Variants in FAM50B observed in about 807,000 individuals in gnomAD.
The protein encoded by FAM50B is protein FAM50B.
Under a neutral mutation model 25.4 loss-of-function variants are expected in FAM50B, and 9 were observed. That is an observed-to-expected ratio of 0.35 (90% CI 0.21 to 0.62). The LOEUF is 0.62. Ranked by LOEUF, FAM50B falls within the 20% of genes least tolerant of loss-of-function variation. The probability of loss-of-function intolerance (pLI) is 0.73; values close to 1 mark genes in which losing one functional copy is unlikely to be tolerated. For synonymous variants in FAM50B, 212 were observed against 204.3 expected (o/e 1.04, Z -0.32); for missense variants, 372 against 477.9 (o/e 0.78, Z 2.07).
upstream of FAM50B, among the ~76,000 whole-genome samples, chr6:3,847,671 AT>A (rs1305407441): frequency 6.6e-6 from 1 of 152,274 alleles, no homozygotes; most frequent in South Asian, 2.1e-4. Context: ...TTCATTCAAG[AT>A]TTTTTTCCTT....
chr6:3,836,746 TTGG>T, the FAM50B span, among the ~76,000 whole-genome samples: 4 of 152,314 alleles, frequency 2.6e-5, no homozygotes, highest in South Asian at 8.3e-4. Flanking sequence ...CACAATGCCA[TTGG>T]TGTCATGATC....
At chr6:3,842,603 A>C in the FAM50B span, among the ~76,000 whole-genome samples, 2 of 152,142 alleles carry the variant, frequency 1.3e-5, no homozygotes, top group African/African-American at 4.8e-5. Flanking sequence ...CCCTCAGGTG[A>C]TGCTTTGCCA....
the FAM50B span, among the ~76,000 whole-genome samples, chr6:3,840,962 C>A: frequency 1.3e-5 from 2 of 152,216 alleles, no homozygotes; most frequent in South Asian, 2.1e-4. Flanking sequence ...CAGCTCATGT[C>A]TTTTTATTTA....
Position 3,850,645 on chromosome 6 carries a change from C to T in FAM50B, c.834C>T (p.Ser278=), listed in dbSNP as rs1283255666. Reference sequence around the variant, plus strand: ...TGCACGATGACGTGCGCCTGCTCAGCGACGCCACCATGGAGAAGGACGAGT... The same window carrying T: ...TGCACGATGACGTGCGCCTGCTCAGTGACGCCACCATGGAGAAGGACGAGT... The part of the protein sequence containing the change: ...FDVHDDVRLL[S]DATMEKDESH... The change falls in exon 2 of 2, where the codon AGC becomes AGT. Residue 278 remains serine (S), a synonymous_variant. Coordinates refer to ENST00000648326, the MANE Select transcript of FAM50B (RefSeq NM_012135.3). 5.0e-6 allele frequency: 8 copies of T among 1,614,002 alleles called. No homozygotes were observed. Among genetic ancestry groups the T allele is most frequent in the Non-Finnish European group, 6.8e-6 (8 of 1,180,050 alleles).
chr6:3,841,821 C>T, the FAM50B span, among the ~76,000 whole-genome samples: 4 of 152,228 alleles, frequency 2.6e-5, no homozygotes, highest in African/African-American at 9.6e-5. Flanking sequence ...GTCTCATTAT[C>T]CAGGAATCCT....
chr6:3,832,503 GT>G, the FAM50B span, among the ~76,000 whole-genome samples: 1 of 152,318 alleles, frequency 6.6e-6, no homozygotes, highest in South Asian at 2.1e-4. Context: ...CTCACTGCCT[GT>G]CCCTGGCTTC....
chr6:3,847,297 A>G (rs1349445399), upstream of FAM50B, among the ~76,000 whole-genome samples: 1 of 152,212 alleles, frequency 6.6e-6, no homozygotes, highest in African/African-American at 2.4e-5. Context: ...TACATTGAAA[A>G]TGTATTGTTT....
chr6:3,838,548 A>G, the FAM50B span, among the ~76,000 whole-genome samples: 1 of 151,998 alleles, frequency 6.6e-6, no homozygotes, highest in African/African-American at 2.4e-5. Context: ...GTCTGTATTA[A>G]AAATACAAAA....
At chr6:3,832,860 T>A in the FAM50B span, among the ~76,000 whole-genome samples, 2 of 149,958 alleles carry the variant, frequency 1.3e-5, no homozygotes, top group African/African-American at 4.9e-5. Flanking sequence ...CCTTTTTAAT[T>A]TTTTTTTTTT....
At chr6:3,838,686 C>CA in the FAM50B span, among the ~76,000 whole-genome samples, 2 of 151,736 alleles carry the variant, frequency 1.3e-5, no homozygotes, top group Non-Finnish European at 2.9e-5. Flanking sequence ...TACTAAAATA[C>CA]AAAAAATTAG....
upstream of FAM50B, among the ~76,000 whole-genome samples, chr6:3,846,198 G>A (rs1249533827): frequency 2.6e-5 from 4 of 152,130 alleles, no homozygotes; most frequent in South Asian, 4.1e-4. Context: ...GAAGATCTCT[G>A]AGGATATTGT....
upstream of FAM50B, among the ~76,000 whole-genome samples, chr6:3,845,825 C>T (rs987834968): frequency 2.0e-5 from 3 of 152,182 alleles, no homozygotes; most frequent in Non-Finnish European, 2.9e-5. Context: ...AGCAATTCTT[C>T]TGCCTCAGCC....
Position 3,850,911 on chromosome 6 carries a change from C to T in FAM50B, c.*122C>T, listed in dbSNP as rs990351853. On this transcript the variant is annotated 3_prime_UTR_variant, in exon 2 of 2. Coordinates refer to ENST00000648326, the MANE Select transcript of FAM50B (RefSeq NM_012135.3). ...CCAAATTTAATAAAGACAGAGGGTTCTCATGATTCACATTGGTTGTGCTAT... is the reference window on the plus strand; with the variant it reads ...CCAAATTTAATAAAGACAGAGGGTTTTCATGATTCACATTGGTTGTGCTAT... 9.1e-6 allele frequency: 13 copies of T among 1,427,384 alleles called. No homozygotes were observed. Among genetic ancestry groups the T allele is most frequent in the Non-Finnish European group, 1.2e-5 (13 of 1,066,114 alleles). 88.4% of individuals were successfully genotyped at this position (1,427,384 alleles called of 1,614,324 possible). A position where few individuals can be genotyped will look rare whatever the true frequency, so the allele number is the denominator to read the frequency against.
upstream of FAM50B, among the ~76,000 whole-genome samples, chr6:3,846,506 C>G (rs1322694361): frequency 6.6e-6 from 1 of 152,200 alleles, no homozygotes; most frequent in Admixed American, 6.5e-5. Flanking sequence ...TGGTTGCTGA[C>G]TGATCAGGGT....
At chr6:3,846,857 C>A (rs558147917), upstream of FAM50B, among the ~76,000 whole-genome samples, 1 of 152,184 alleles carries the variant, frequency 6.6e-6, no homozygotes, top group Non-Finnish European at 1.5e-5. Flanking sequence ...CTATGGGTTG[C>A]AGAATGGATG....
rs1345837298 is a variant in FAM50B, at chr6:3,850,266, T to A, written c.455T>A (p.Phe152Tyr). The change falls in exon 2 of 2, where the codon TTC becomes TAC. Residue 152 changes from phenylalanine to tyrosine, a missense_variant. Physicochemically the swap from Phe to Tyr is conservative, Grantham distance 22 (BLOSUM62 3). Transcript: ENST00000648326. ...AAGAACCCCGACGTGGACACCAGCT[T>A]CCTGCCAGACCGCGACCGCGAGGAG... ...LGKNPDVDTS[F>Y]LPDRDREEEE... 9 of 1,612,986 alleles carry A rather than the reference T, an allele frequency of 5.6e-6. No individual in the cohort carries two copies. Among genetic ancestry groups the A allele is most frequent in the African/African-American group, 1.3e-5 (1 of 74,926 alleles).
the FAM50B span, among the ~76,000 whole-genome samples, chr6:3,838,890 A>G: frequency 6.6e-6 from 1 of 151,628 alleles, no homozygotes; most frequent in African/African-American, 2.4e-5. Flanking sequence ...AGAATGAAGG[A>G]ATGAACTACT....
chr6:3,838,862 AC>A, the FAM50B span, among the ~76,000 whole-genome samples: 4 of 113,728 alleles, frequency 3.5e-5, no homozygotes, highest in African/African-American at 1.2e-4. Flanking sequence ...AAAAAAAAAC[AC>A]ACACACAAGA....
chr6:3,848,030 C>T (rs572723765), upstream of FAM50B, among the ~76,000 whole-genome samples: 1 of 152,300 alleles, frequency 6.6e-6, no homozygotes, highest in Non-Finnish European at 1.5e-5. Context: ...CAAACAATTA[C>T]AATAACCTCA....
Sources: gnomAD v4.1 joint callset for allele counts (sites outside exome capture counted in the v4.1 genomes callset) on GRCh38, gnomAD v4.1.1 for gene constraint, MANE v1.5 for transcripts, NCBI Gene and HGNC (gene_info 2026-07-23, HGNC 2026-07-21) for gene names.